The following EFCAB5 variants were observed in gnomAD, a reference collection of about 807,000 sequenced individuals.
EFCAB5 encodes EF-hand calcium-binding domain-containing protein 5.
Under a neutral mutation model 167.9 loss-of-function variants are expected in EFCAB5, and 131 were observed. The ratio of observed to expected loss-of-function variants is 0.78; its 90% CI spans 0.68 to 0.90. The LOEUF is 0.90. Among genes scored for constraint, EFCAB5 ranks in the 40% least tolerant of loss-of-function variants. The probability of loss-of-function intolerance (pLI) is 0.00; values close to 1 mark genes in which losing one functional copy is unlikely to be tolerated. For synonymous variants in EFCAB5, 574 were observed against 602.8 expected (o/e 0.95, Z 0.70); for missense variants, 1,663 against 1,745.2 (o/e 0.95, Z 0.84).
intron 7 of EFCAB5, among the ~76,000 whole-genome samples, chr17:30,021,830 C>T (rs939001223): frequency 2.0e-5 from 3 of 152,176 alleles, no homozygotes; most frequent in Non-Finnish European, 2.9e-5. Flanking sequence ...ACTCATTTAA[C>T]GAAACTGGAA....
chr17:30,001,077 G>C (rs2068651995), intron 7 of EFCAB5, among the ~76,000 whole-genome samples: 1 of 152,178 alleles, frequency 6.6e-6, no homozygotes, highest in Admixed American at 6.5e-5. Flanking sequence ...CTCCAGTAAG[G>C]ATTCTGGCTT....
chr17:29,963,423 G>C (rs917322113), intron 3 of EFCAB5, among the ~76,000 whole-genome samples: 1 of 152,066 alleles, frequency 6.6e-6, no homozygotes, highest in South Asian at 2.1e-4. Flanking sequence ...TGTTGAAAAG[G>C]CTTTTACTAT....
At chr17:30,075,665 G>C (rs957216710) in intron 14 of EFCAB5, among the ~76,000 whole-genome samples, 1 of 152,034 alleles carries the variant, frequency 6.6e-6, no homozygotes, top group Admixed American at 6.6e-5. Context: ...TCTCTGTAAG[G>C]CCAGCGTCTT....
At chr17:30,008,771 A>G (rs2068830199) in intron 7 of EFCAB5, among the ~76,000 whole-genome samples, 1 of 152,194 alleles carries the variant, frequency 6.6e-6, no homozygotes, top group South Asian at 2.1e-4. Context: ...TTATTCAGAT[A>G]TAATTTACAA....
intron 22 of EFCAB5, among the ~76,000 whole-genome samples, chr17:30,098,419 T>C (rs2071334358): frequency 6.6e-6 from 1 of 150,546 alleles, no homozygotes; most frequent in Admixed American, 6.6e-5. Flanking sequence ...TAGTTCCAGC[T>C]AGTCAGGAGA....
intron 21 of EFCAB5, 66 bp from the exon 22 acceptor site, chr17:30,092,774 T>G: frequency 9.1e-7 from 1 of 1,096,830 alleles, no homozygotes; most frequent in Admixed American, 2.0e-5. Flanking sequence ...TGTAAGCTGT[T>G]GAACTGGGCA....
intron 3 of EFCAB5, among the ~76,000 whole-genome samples, chr17:29,961,151 A>G (rs1041353352): frequency 2.0e-5 from 3 of 152,212 alleles, no homozygotes; most frequent in Admixed American, 2.0e-4. Context: ...TCTTATAACC[A>G]TCTTAGTAAA....
At chr17:30,080,564 T>G (rs2070967134) in intron 16 of EFCAB5, among the ~76,000 whole-genome samples, 189 bp from the exon 17 acceptor site, 1 of 147,986 alleles carries the variant, frequency 6.8e-6, no homozygotes, top group Non-Finnish European at 1.5e-5. Flanking sequence ...TTTTTTTTTT[T>G]GTTTGTTTGT....
chr17:29,953,838 T>C (rs2067559320), intron 3 of EFCAB5, among the ~76,000 whole-genome samples: 1 of 152,212 alleles, frequency 6.6e-6, no homozygotes. Flanking sequence ...CCTAGAGACT[T>C]GTTGAACGGC....
Position 29,946,336 on chromosome 17 carries a change from T to A in EFCAB5, c.190+2687T>A, listed in dbSNP as rs188231060. ...TATTAAAATGTCAAAAAACAATAGA[T>A]GTTGGCATGGATATGGTGAAAAGCT... On this transcript the variant is annotated intron_variant, in intron 3 of 22. Transcript: ENST00000394835. Among the ~76,000 whole-genome samples, 146 of 152,016 alleles carry A rather than the reference T, an allele frequency of 9.6e-4. 2 individuals are homozygous for A. The Middle Eastern group carries it at 0.01, about 11-fold the overall frequency.
chr17:30,059,418 C>A, intron 13 of EFCAB5, 127 bp from the exon 14 acceptor site: 1 of 1,040,806 alleles, frequency 9.6e-7, no homozygotes, highest in Non-Finnish European at 1.3e-6. Context: ...CCCTTAATAT[C>A]ATGCTTAGCC....
rs768789740 is a variant in EFCAB5 at position 30,078,197 on chromosome 17, C to T, written c.2738-18C>T. On this transcript the variant is annotated intron_variant, in intron 14 of 22. Transcript: ENST00000394835. The stretch of plus-strand genomic sequence containing the variant: ...TGAACTTTTGGTTAGTTCTTGGTTT[C>T]GTGTTTGTGTCTTTTAGCTAAACTA... The T allele has an allele frequency of 4.4e-6, 7 of 1,592,356 alleles. No individual in the cohort carries two copies. The highest frequency in any genetic ancestry group is 1.9e-4 in the Middle Eastern group (1 of 5,248).
Position 30,092,036 on chromosome 17 carries a change from A to G in EFCAB5, c.4103A>G (p.Lys1368Arg). ...GAGCCAAATTCTCCTCAAGACAGCA[A>G]ATCTATGGAGTTGGAAGCCAACGTG... is the stretch of plus-strand genomic sequence containing the variant. ...VTEPNSPQDSKSMELEANVKL... is the reference protein window; with the variant it reads ...VTEPNSPQDSRSMELEANVKL... The change falls in exon 21 of 23, where the codon AAA (lysine) becomes AGA (arginine). Residue 1368 changes from lysine (K) to arginine (R), a missense_variant. Physicochemically the swap from Lys to Arg is conservative, Grantham distance 26. Transcript: ENST00000394835. 6.2e-7 allele frequency: 1 copy of G among 1,613,992 alleles called. No homozygotes were observed.
chr17:29,943,567 CT>C lies in EFCAB5; in HGVS notation c.110del (p.Leu37TyrfsTer9). 6.3e-7 allele frequency: 1 copy of C among 1,575,120 alleles called. No individual in the cohort carries two copies. The highest frequency in any genetic ancestry group is 8.6e-7 in the Non-Finnish European group (1 of 1,159,696). ...LTEVKELHET[L>X]QSVPDVPVKE... The stretch of plus-strand genomic sequence containing the variant: ...TGATTTTTTTCCTCTTTTCAAAGAC[CT>C]TACAGAGTGTGCCAGACGTTCCTGT... On this transcript the variant is annotated frameshift_variant, in exon 3 of 23. Coordinates refer to ENST00000394835, the MANE Select transcript of EFCAB5 (RefSeq NM_198529.4). LOFTEE classifies it high-confidence loss of function.
chr17:29,950,546 T>A (rs892748084), intron 3 of EFCAB5: 3 of 151,140 alleles, frequency 2.0e-5, no homozygotes, highest in African/African-American at 7.3e-5. Flanking sequence ...AAGTTTTTAA[T>A]TTTTTTTTGC....
chr17:30,069,548 A>C, intron 14 of EFCAB5: 1 of 1,613,220 alleles, frequency 6.2e-7, no homozygotes, highest in African/African-American at 1.3e-5. Flanking sequence ...GGCCATTAAA[A>C]ACAACGCTGG....
chr17:30,073,969 A>C, intron 14 of EFCAB5: 2 of 206,040 alleles, frequency 9.7e-6, no homozygotes, highest in Non-Finnish European at 9.7e-6. Context: ...CCACCCTCCA[A>C]TCCCCAAAGC....
intron 7 of EFCAB5, among the ~76,000 whole-genome samples, chr17:30,003,552 T>C (rs1205571706): frequency 6.8e-6 from 1 of 146,898 alleles, no homozygotes; most frequent in African/African-American, 2.5e-5. Context: ...TTTTAAGAAA[T>C]GTGGTTTTGG....
intron 5 of EFCAB5, among the ~76,000 whole-genome samples, chr17:29,996,031 G>C (rs1014304814): frequency 6.6e-6 from 1 of 152,130 alleles, no homozygotes; most frequent in Non-Finnish European, 1.5e-5. Flanking sequence ...CTTCAAGCTA[G>C]ATCTTGTTCA....
Sources: allele counts gnomAD v4.1 joint callset (sites outside exome capture counted in the v4.1 genomes callset), GRCh38; gene constraint gnomAD v4.1.1; transcripts MANE v1.5; gene names NCBI Gene and HGNC (gene_info 2026-07-23, HGNC 2026-07-21).